SULF2: variants seen among roughly 807,000 people sequenced by gnomAD.
The protein encoded by SULF2 is extracellular sulfatase Sulf-2.
A neutral mutation model predicts 107.7 loss-of-function variants in SULF2; 52 were observed. That is an observed-to-expected ratio of 0.48 (90% confidence interval 0.39 to 0.61). The LOEUF (loss-of-function observed/expected upper bound fraction) is 0.61. Among genes scored for constraint, SULF2 ranks in the 20% least tolerant of loss-of-function variants. The probability of loss-of-function intolerance (pLI) is 0.00; values close to 1 mark genes in which losing one functional copy is unlikely to be tolerated. For synonymous variants in SULF2, 460 were observed against 464.3 expected (o/e 0.99, Z 0.12); for missense variants, 993 against 1,177.3 (o/e 0.84, Z 2.29).
chr20:47,757,401 C>G lies in SULF2; in HGVS notation c.-38G>C, dbSNP rs377579532. ...CTGATCTGGTGCTTCTTTTGGGATG[C>G]GGGAGTCTCAAGTTGCGTCTGTGGC... On this transcript the variant is annotated 5_prime_UTR_variant, in exon 2 of 21. Transcript: ENST00000688720. 1 of 1,536,502 alleles carries G rather than the reference C, an allele frequency of 6.5e-7. No homozygotes were observed. Among genetic ancestry groups the G allele is most frequent in the Non-Finnish European group, 8.8e-7 (1 of 1,134,378 alleles).
At chr20:47,760,463 C>T (rs1438643324) in intron 1 of SULF2, among the ~76,000 whole-genome samples, 1 of 152,178 alleles carries the variant, frequency 6.6e-6, no homozygotes, top group Non-Finnish European at 1.5e-5. Flanking sequence ...TCACCTCTCC[C>T]TCCTCTTGCC....
intron 3 of SULF2, among the ~76,000 whole-genome samples, chr20:47,711,987 T>C (rs1022185285): frequency 1.3e-5 from 2 of 152,218 alleles, no homozygotes; most frequent in Admixed American, 1.3e-4. Context: ...TACAGGTACA[T>C]ATGTACATAT....
At position 47,663,638 on chromosome 20, in the gene SULF2, G is replaced by A. The variant is rs374100326; in HGVS notation, c.2058-16C>T. 7.0e-6 allele frequency: 11 copies of A among 1,561,028 alleles called. No homozygotes were observed. In the African/African-American group the frequency reaches 1.5e-4, roughly 21 times the overall value. On this transcript the variant is annotated splice_polypyrimidine_tract_variant and intron_variant, in intron 15 of 20. Transcript: ENST00000688720. ...CAGGCCCTTCCTATGGGCGCAGAGG[G>A]CCACACACACCTTGGGCCTCTGAGG...
intron 1 of SULF2, among the ~76,000 whole-genome samples, chr20:47,760,512 C>A (rs549069080): frequency 1.3e-5 from 2 of 152,124 alleles, no homozygotes; most frequent in African/African-American, 4.8e-5. Context: ...CTGTTGCTAC[C>A]GGTTCCTCGG....
rs952174316 is a variant in SULF2, at chr20:47,694,049, T to G, written c.568-3754A>C. Among the ~76,000 whole-genome samples the G allele has an allele frequency of 2.6e-5, 4 of 152,202 alleles. No homozygotes were observed. The highest frequency in any genetic ancestry group is 9.6e-5 in the African/African-American group (4 of 41,452). On this transcript the variant is annotated intron_variant, in intron 4 of 20. Transcript: ENST00000688720. The surrounding 1 kb of genome is among the most constrained non-coding windows in gnomAD (Gnocchi z 4.4). ...TCAGTGGCCACTCCTCGGCTAAGTC[T>G]TCCCCGATCTCTGCTAGCTCCGCAA...
chr20:47,676,467 C>T (rs1472892315), intron 10 of SULF2, 27 bp downstream of exon 10: 5 of 1,601,064 alleles, frequency 3.1e-6, no homozygotes, highest in East Asian at 2.2e-5. Flanking sequence ...GAGGGGGAGC[C>T]GTTGGGAGGG....
At chr20:47,770,123 C>T (rs1369086095) in intron 1 of SULF2, among the ~76,000 whole-genome samples, 2 of 143,032 alleles carry the variant, frequency 1.4e-5, no homozygotes, top group African/African-American at 2.7e-5. Flanking sequence ...TGCAGCGGCA[C>T]GAACATAGCT....
rs547862840 is a variant in SULF2, at chr20:47,676,952, G to A, written c.1250+126C>T. 2.6e-5 allele frequency: 26 copies of A among 998,286 alleles called. No homozygotes were observed. The African/African-American group carries it at 4.2e-4, about 16-fold the overall frequency. 61.8% of individuals were successfully genotyped at this position (998,286 alleles called of 1,614,324 possible). On this transcript the variant is annotated intron_variant, in intron 9 of 20. Transcript: ENST00000688720. ...GCAGTGAATGGGCTTTGTGTTTAGG[G>A]GCCTTTGGACCAACTTCAGAGCCAT...
chr20:47,686,836 A>G (rs886273589), intron 5 of SULF2, among the ~76,000 whole-genome samples: 1 of 152,088 alleles, frequency 6.6e-6, no homozygotes, highest in East Asian at 1.9e-4. Flanking sequence ...GCCTCATGCC[A>G]CTGAATCCAT....
At chr20:47,721,170 T>C (rs2089287037) in intron 3 of SULF2, among the ~76,000 whole-genome samples, 1 of 151,832 alleles carries the variant, frequency 6.6e-6, no homozygotes, top group Non-Finnish European at 1.5e-5. Context: ...CAAATGCAAA[T>C]CACTGCACGA....
In SULF2 at chr20:47,699,984, G is replaced by A. The variant is rs150135286; in HGVS notation, c.567+2535C>T. Among the ~76,000 whole-genome samples, 4 of 152,276 alleles carry A rather than the reference G, an allele frequency of 2.6e-5. No homozygotes were observed. In the East Asian group the frequency reaches 7.7e-4, roughly 29 times the overall value. ...TAACCTGGGAAGTCACAGTAGGCAG[G>A]GCCCAGGACTGGTGGCAGTGGGGAT... is the stretch of plus-strand genomic sequence containing the variant. On this transcript the variant is annotated intron_variant, in intron 4 of 20. Coordinates refer to ENST00000688720, the MANE Select transcript of SULF2 (RefSeq NM_001387048.1).
intron 3 of SULF2, among the ~76,000 whole-genome samples, chr20:47,713,132 G>A (rs376533886): frequency 6.6e-4 from 100 of 152,238 alleles, no homozygotes; most frequent in African/African-American, 2.4e-3. Flanking sequence ...ATGGGTCAAC[G>A]GAGCAGGCAG....
intron 3 of SULF2, among the ~76,000 whole-genome samples, chr20:47,707,620 A>G (rs1402199172): frequency 6.6e-6 from 1 of 152,118 alleles, no homozygotes; most frequent in East Asian, 1.9e-4. Context: ...CTCGAGTGAG[A>G]TATGCGGACC....
Position 47,757,413 on chromosome 20 carries a change from G to A in SULF2, c.-50C>T. The stretch of plus-strand genomic sequence containing the variant: ...TTCTTTTGGGATGCGGGAGTCTCAA[G>A]TTGCGTCTGTGGCTTTGTTTCTTTT... On this transcript the variant is annotated 5_prime_UTR_variant, in exon 2 of 21. Coordinates refer to ENST00000688720, the MANE Select transcript of SULF2 (RefSeq NM_001387048.1). 1 of 1,515,742 alleles carries A rather than the reference G, an allele frequency of 6.6e-7. No homozygotes were observed. The highest frequency in any genetic ancestry group is 1.2e-5 in the South Asian group (1 of 80,928). The allele number at this position is 1,515,742 out of a possible 1,614,324, so 93.9% of individuals were successfully genotyped here.
intron 2 of SULF2, among the ~76,000 whole-genome samples, chr20:47,744,343 C>T (rs917851524): frequency 6.6e-6 from 1 of 152,078 alleles, no homozygotes; most frequent in Non-Finnish European, 1.5e-5. Flanking sequence ...CCACCATGCC[C>T]AGCTATTTTT....
chr20:47,676,964 A>G, intron 9 of SULF2, 114 bp downstream of exon 9: 1 of 1,192,758 alleles, frequency 8.4e-7, no homozygotes, highest in East Asian at 2.3e-5. Context: ...CCTTTGGACC[A>G]ACTTCAGAGC....
In SULF2 at chr20:47,658,468, C is replaced by T. The variant is rs1414327350; in HGVS notation, c.2583-76G>A. ...CATGACTTCCTAATCGGTCCTATAG[C>T]TGAGGAAGCTTTGCTTCAAGGCTGC... is the stretch of plus-strand genomic sequence containing the variant. On this transcript the variant is annotated intron_variant, in intron 20 of 20. Coordinates refer to ENST00000688720, the MANE Select transcript of SULF2 (RefSeq NM_001387048.1). The T allele has an allele frequency of 2.7e-6, 4 of 1,465,408 alleles. No individual in the cohort carries two copies. The African/African-American group carries it at 5.6e-5, about 20-fold the overall frequency. 90.8% of individuals were successfully genotyped at this position (1,465,408 alleles called of 1,614,324 possible).
chr20:47,692,617 TACAG>T (rs2088234018), intron 4 of SULF2, among the ~76,000 whole-genome samples: 1 of 152,092 alleles, frequency 6.6e-6, no homozygotes, highest in African/African-American at 2.4e-5. Flanking sequence ...ACAGGGTCTC[TACAG>T]ACAGAGTCTT....
intron 3 of SULF2, among the ~76,000 whole-genome samples, chr20:47,722,190 T>C (rs764212381): frequency 2.6e-5 from 4 of 152,250 alleles, no homozygotes; most frequent in Non-Finnish European, 5.9e-5. Context: ...ATAAATGAGA[T>C]AGTAATCTAA....
Sources: gnomAD v4.1 joint callset for allele counts (sites outside exome capture counted in the v4.1 genomes callset) on GRCh38, gnomAD v4.1.1 for gene constraint, Gnocchi (gnomAD v3.1) non-coding constraint, MANE v1.5 for transcripts, NCBI Gene and HGNC (gene_info 2026-07-23, HGNC 2026-07-21) for gene names.